The following ADTRP variants were observed in gnomAD, a reference collection of about 807,000 sequenced individuals.
The protein encoded by ADTRP is androgen dependent TFPI regulating protein.
A neutral mutation model predicts 27.0 loss-of-function variants in ADTRP; 20 were observed. The ratio of observed to expected loss-of-function variants is 0.74; its 90% CI spans 0.52 to 1.08. The LOEUF (loss-of-function observed/expected upper bound fraction) is 1.08. Among genes scored for constraint, ADTRP ranks in the 50% least tolerant of loss-of-function variants. The pLI is 0.00. For missense variants in ADTRP, 251 were observed against 275.0 expected (o/e 0.91, Z 0.62); for synonymous variants, 101 against 105.2 (o/e 0.96, Z 0.25).
chr6:11,766,148 TA>T, intron 3 of ADTRP, 125 bp downstream of exon 3: 1 of 647,512 alleles, frequency 1.5e-6, no homozygotes, highest in Non-Finnish European at 2.6e-6. Flanking sequence ...GCCCTTTAAA[TA>T]AACAGTGATG....
At chr6:11,747,638 T>A (rs116108762) in intron 3 of ADTRP, among the ~76,000 whole-genome samples, 3,102 of 152,312 alleles carry the variant, frequency 0.02, 115 homozygotes, top group African/African-American at 0.071. Context: ...GGCATGGATT[T>A]ACTTTTCATA....
rs145704363 is a variant in ADTRP, at chr6:11,770,993, G to A, written c.154-2610C>T. On this transcript the variant is annotated intron_variant, in intron 1 of 5. Transcript: ENST00000414691. The stretch of plus-strand genomic sequence containing the variant: ...TGGGGAGAGGCCGCCTCCGCCCGGC[G>A]TGTGAAGTCCATGTGACCTGCTTTC... Among the ~76,000 whole-genome samples, 1,436 of 152,316 alleles carry A rather than the reference G, an allele frequency of 9.4e-3. 13 individuals carry two copies. Among genetic ancestry groups the A allele is most frequent in the South Asian group, 0.027 (129 of 4,824 alleles).
At chr6:11,765,319 G>GTTTTTTTTTTTTTTTTTT (rs770169717) in intron 3 of ADTRP, among the ~76,000 whole-genome samples, 1 of 112,526 alleles carries the variant, frequency 8.9e-6, no homozygotes. Flanking sequence ...CTTTCCCCTG[G>GTTTTTTTTTTTTTTTTTT]TTTGTTTTTT....
intron 3 of ADTRP, among the ~76,000 whole-genome samples, chr6:11,764,329 C>G (rs1763483298): frequency 6.6e-6 from 1 of 151,990 alleles, no homozygotes; most frequent in South Asian, 2.1e-4. Context: ...TTACATCAAC[C>G]CTGAAGTGGG....
At chr6:11,754,162 C>T (rs1045671919) in intron 3 of ADTRP, among the ~76,000 whole-genome samples, 1 of 152,180 alleles carries the variant, frequency 6.6e-6, no homozygotes, top group Non-Finnish European at 1.5e-5. Flanking sequence ...TAGATACTGG[C>T]GGGTCCCCCT....
At position 11,762,809 on chromosome 6, in the gene ADTRP, C is replaced by T. The variant is rs11969598; in HGVS notation, c.390+3465G>A. ...GATCTATTTCACCTCTCCTTTGGGG[C>T]GACCTGAACAATTTAGGTTGATTTC... is the stretch of plus-strand genomic sequence containing the variant. On this transcript the variant is annotated intron_variant, in intron 3 of 5. Coordinates refer to ENST00000414691, the MANE Select transcript of ADTRP (RefSeq NM_032744.4). Among the ~76,000 whole-genome samples the T allele has an allele frequency of 2.1e-3, 318 of 152,272 alleles. 3 individuals carry two copies. Among genetic ancestry groups the T allele is most frequent in the African/African-American group, 7.4e-3 (307 of 41,544 alleles).
At chr6:11,749,809 C>A (rs1247289595) in intron 3 of ADTRP, among the ~76,000 whole-genome samples, 1 of 152,192 alleles carries the variant, frequency 6.6e-6, no homozygotes, top group Non-Finnish European at 1.5e-5. Context: ...GGGCAACACT[C>A]GGGTTATGTT....
chr6:11,720,831 C>T (rs1193299710), intron 5 of ADTRP, among the ~76,000 whole-genome samples: 1 of 152,152 alleles, frequency 6.6e-6, no homozygotes, highest in African/African-American at 2.4e-5. Flanking sequence ...AAACTCCCTG[C>T]CCAATACTCT....
At chr6:11,760,159 C>G (rs764316779) in intron 3 of ADTRP, among the ~76,000 whole-genome samples, 1 of 152,136 alleles carries the variant, frequency 6.6e-6, no homozygotes, top group African/African-American at 2.4e-5. Flanking sequence ...GTTCTCTCAC[C>G]TTGTTTATTT....
chr6:11,775,697 A>G (rs532313605), intron 1 of ADTRP, among the ~76,000 whole-genome samples: 105 of 152,236 alleles, frequency 6.9e-4, no homozygotes, highest in African/African-American at 2.3e-3. Context: ...AGCTCAGTGC[A>G]ACTCGTGTCT....
chr6:11,762,110 G>C (rs987279069), intron 3 of ADTRP, among the ~76,000 whole-genome samples: 1 of 152,188 alleles, frequency 6.6e-6, no homozygotes, highest in Non-Finnish European at 1.5e-5. Context: ...TATGACTGAG[G>C]GAGAAACTAG....
chr6:11,722,930 C>T (rs1305457038), intron 5 of ADTRP, among the ~76,000 whole-genome samples: 1 of 152,092 alleles, frequency 6.6e-6, no homozygotes, highest in East Asian at 1.9e-4. Flanking sequence ...AGAGGGCTAT[C>T]TGGACTCACT....
intron 1 of ADTRP, chr6:11,770,150 G>A (rs1763722328): frequency 7.0e-7 from 1 of 1,429,666 alleles, no homozygotes; most frequent in Admixed American, 2.0e-5. Flanking sequence ...AGCATTGTGG[G>A]AGGTCAGAAG....
chr6:11,765,317 T>C (rs1490814242), intron 3 of ADTRP, among the ~76,000 whole-genome samples: 1 of 115,258 alleles, frequency 8.7e-6, no homozygotes, highest in Non-Finnish European at 1.8e-5. Flanking sequence ...GCCTTTCCCC[T>C]GGTTTGTTTT....
intron 3 of ADTRP, among the ~76,000 whole-genome samples, chr6:11,743,516 T>G (rs1372379342): frequency 6.6e-6 from 1 of 152,196 alleles, no homozygotes; most frequent in Non-Finnish European, 1.5e-5. Flanking sequence ...CAGGGCTCAG[T>G]GGCCCTTAGC....
intron 3 of ADTRP, among the ~76,000 whole-genome samples, chr6:11,757,422 A>C (rs1259738286): frequency 6.6e-6 from 1 of 152,096 alleles, no homozygotes; most frequent in African/African-American, 2.4e-5. Context: ...ATCTGACCCC[A>C]CGTCTGTTTC....
chr6:11,773,709 T>A (rs1763859817), intron 1 of ADTRP, among the ~76,000 whole-genome samples: 1 of 152,132 alleles, frequency 6.6e-6, no homozygotes, highest in African/African-American at 2.4e-5. Flanking sequence ...TATCAGAGTA[T>A]CCACTGCACA....
chr6:11,728,908 C>T (rs901697137), intron 4 of ADTRP, among the ~76,000 whole-genome samples: 1 of 152,170 alleles, frequency 6.6e-6, no homozygotes, highest in African/African-American at 2.4e-5. Context: ...TTTACTAATA[C>T]TTTGAAGAGG....
At chr6:11,718,404 G>A (rs1761902749) in intron 5 of ADTRP, among the ~76,000 whole-genome samples, 1 of 152,192 alleles carries the variant, frequency 6.6e-6, no homozygotes, top group Admixed American at 6.5e-5. Context: ...TGAGGAGCTT[G>A]TGTGCTGGTG....
Sources: allele counts gnomAD v4.1 joint callset (sites outside exome capture counted in the v4.1 genomes callset), GRCh38; gene constraint gnomAD v4.1.1; transcripts MANE v1.5; gene names NCBI Gene and HGNC (gene_info 2026-07-23, HGNC 2026-07-21).